Variants in DOCK4 observed in about 807,000 individuals in gnomAD.
The protein encoded by DOCK4 is dedicator of cytokinesis 4, also known as dedicator of cytokinesis protein 4.
In DOCK4, 97 loss-of-function variants were observed where a neutral mutation model predicts 268.1. The ratio of observed to expected loss-of-function variants is 0.36; its 90% CI spans 0.31 to 0.43. DOCK4 has a LOEUF of 0.43. Among genes scored for constraint, DOCK4 ranks in the 20% least tolerant of loss-of-function variants. The pLI is 1.00. For synonymous variants in DOCK4, 954 were observed against 887.2 expected, an observed-to-expected ratio of 1.08 and a Z score of -1.34; for missense variants, 2,145 against 2,455.7, an observed-to-expected ratio of 0.87 and a Z score of 2.67.
intron 15 of DOCK4, among the ~76,000 whole-genome samples, chr7:111,898,951 TTC>T (rs1347606620): frequency 1.3e-5 from 2 of 152,206 alleles, no homozygotes; most frequent in African/African-American, 4.8e-5. Flanking sequence ...CACCTTTATT[TTC>T]TCTTTTTCTT....
At chr7:112,087,629 G>T (rs1006359930) in intron 1 of DOCK4, among the ~76,000 whole-genome samples, 1 of 151,790 alleles carries the variant, frequency 6.6e-6, no homozygotes, top group African/African-American at 2.4e-5. Context: ...TTGAAGAAAA[G>T]AAAAAAAGAT....
intron 1 of DOCK4, among the ~76,000 whole-genome samples, chr7:112,179,526 G>T (rs77934311): frequency 3.6e-4 from 53 of 145,476 alleles, no homozygotes; most frequent in African/African-American, 4.5e-4. Context: ...TTGTTTTTTT[G>T]TTTTTTTTTT....
Position 111,728,239 on chromosome 7 carries a change from G to A in DOCK4, c.*35C>T, listed in dbSNP as rs755062170. On this transcript the variant is annotated 3_prime_UTR_variant, in exon 53 of 53. Transcript: ENST00000428084. ...ATCATACTTCTTATTTTGTAAACGG[G>A]CAAAGAATGCATCGCAGGTACATAG... 102 of 1,416,320 alleles carry A rather than the reference G, an allele frequency of 7.2e-5. No homozygotes were observed. The highest frequency in any genetic ancestry group is 1.9e-4 in the Middle Eastern group (1 of 5,318). The allele number at this position is 1,416,320 out of a possible 1,614,324, so 87.7% of individuals were successfully genotyped here. A position where few individuals can be genotyped will look rare whatever the true frequency, so the allele number is the denominator to read the frequency against.
chr7:112,140,522 G>A (rs1257539407), intron 1 of DOCK4, among the ~76,000 whole-genome samples: 2 of 151,094 alleles, frequency 1.3e-5, no homozygotes, highest in East Asian at 3.9e-4. Context: ...CCACATTTCA[G>A]TATTTTAAGT....
At chr7:112,128,245 C>G (rs1813423555) in intron 1 of DOCK4, among the ~76,000 whole-genome samples, 1 of 152,104 alleles carries the variant, frequency 6.6e-6, no homozygotes, top group African/African-American at 2.4e-5. Flanking sequence ...AAAAACTGAT[C>G]CCTCTCAGCC....
chr7:112,023,777 C>A, intron 1 of DOCK4: 1 of 261,404 alleles, frequency 3.8e-6, no homozygotes, highest in Non-Finnish European at 7.8e-6. Flanking sequence ...AAAGAAAATC[C>A]TCAACTTATC....
intron 32 of DOCK4, among the ~76,000 whole-genome samples, chr7:111,785,564 T>C (rs1799108331): frequency 6.6e-6 from 1 of 152,226 alleles, no homozygotes; most frequent in Admixed American, 6.5e-5. Flanking sequence ...TTTCCTTGAC[T>C]AACTCAAGAC....
At chr7:111,892,696 C>G (rs568531908) in intron 16 of DOCK4, among the ~76,000 whole-genome samples, 2 of 152,066 alleles carry the variant, frequency 1.3e-5, no homozygotes, top group South Asian at 4.1e-4. Context: ...AATTCAAGGC[C>G]GCACAATGAT....
intron 1 of DOCK4, among the ~76,000 whole-genome samples, chr7:112,143,982 C>G (rs1036326271): frequency 6.6e-6 from 1 of 152,206 alleles, no homozygotes; most frequent in Non-Finnish European, 1.5e-5. Context: ...ACAAGTGTGA[C>G]TGCCAGAATA....
chr7:111,980,994 C>A (rs388303), intron 7 of DOCK4, among the ~76,000 whole-genome samples: 6,734 of 152,276 alleles, frequency 0.044, 208 homozygotes, highest in Non-Finnish European at 0.072. Flanking sequence ...TGCGGTTTAG[C>A]ACTTTTACTG....
At chr7:112,162,610 T>C (rs558335946) in intron 1 of DOCK4, among the ~76,000 whole-genome samples, 1 of 151,694 alleles carries the variant, frequency 6.6e-6, no homozygotes, top group African/African-American at 2.4e-5. Context: ...CCATGTAAAC[T>C]TGGAGCAAAA....
intron 7 of DOCK4, among the ~76,000 whole-genome samples, chr7:111,980,098 C>T (rs1469494387): frequency 6.6e-6 from 1 of 152,078 alleles, no homozygotes; most frequent in Admixed American, 6.5e-5. Flanking sequence ...TTGCATCTTT[C>T]GAGTAATTAT....
intron 32 of DOCK4, among the ~76,000 whole-genome samples, chr7:111,786,632 G>A (rs545442089): frequency 6.6e-6 from 1 of 152,314 alleles, no homozygotes; most frequent in South Asian, 2.1e-4. Context: ...TTAGGAAGCA[G>A]TGAACTACTT....
chr7:111,811,554 C>T (rs572863659), intron 28 of DOCK4, among the ~76,000 whole-genome samples: 3 of 152,066 alleles, frequency 2.0e-5, no homozygotes, highest in South Asian at 4.2e-4. Flanking sequence ...ACTTTGTAAA[C>T]GTTTTCTTCA....
intron 12 of DOCK4, among the ~76,000 whole-genome samples, chr7:111,921,673 C>T (rs1222664233): frequency 6.6e-6 from 1 of 152,172 alleles, no homozygotes; most frequent in Non-Finnish European, 1.5e-5. Flanking sequence ...TTGGTTTCCA[C>T]ATCTGTAAAA....
At chr7:111,938,239 G>T (rs1310858793) in intron 11 of DOCK4, among the ~76,000 whole-genome samples, 1 of 152,182 alleles carries the variant, frequency 6.6e-6, no homozygotes, top group Non-Finnish European at 1.5e-5. Context: ...ATAAATCTTT[G>T]TCAATGAATT....
intron 13 of DOCK4, among the ~76,000 whole-genome samples, chr7:111,904,541 C>G (rs538535692): frequency 6.6e-6 from 1 of 152,130 alleles, no homozygotes; most frequent in South Asian, 2.1e-4. Context: ...GAGTAAGGTT[C>G]CAAAGGGCAT....
chr7:112,138,466 T>C (rs193277260), intron 1 of DOCK4, among the ~76,000 whole-genome samples: 35 of 152,286 alleles, frequency 2.3e-4, no homozygotes, highest in African/African-American at 8.4e-4. Flanking sequence ...TGAAGAAGAA[T>C]GGCCAAGAAA....
chr7:112,165,549 T>C (rs866121840), intron 1 of DOCK4, among the ~76,000 whole-genome samples: 2 of 113,900 alleles, frequency 1.8e-5, no homozygotes, highest in Admixed American at 8.5e-5. Flanking sequence ...TGTGTGTGTG[T>C]GTGTGTGTGT....
Sources: allele counts gnomAD v4.1 joint callset (sites outside exome capture counted in the v4.1 genomes callset), GRCh38; gene constraint gnomAD v4.1.1; transcripts MANE v1.5; gene names NCBI Gene and HGNC (gene_info 2026-07-23, HGNC 2026-07-21).